ADAMTSL3: variants seen among roughly 807,000 people sequenced by gnomAD.
ADAMTSL3 encodes ADAMTS like 3.
ADAMTSL3 carries 128 observed loss-of-function variants against 201.7 expected under a neutral mutation model. That is an observed-to-expected ratio of 0.63 (90% confidence interval 0.55 to 0.73). The LOEUF (loss-of-function observed/expected upper bound fraction) is 0.73, where lower values mean the gene tolerates loss of function less well. Among genes scored for constraint, ADAMTSL3 ranks in the 30% least tolerant of loss-of-function variants. ADAMTSL3 has a pLI of 0.00. For synonymous variants in ADAMTSL3, 738 were observed against 748.4 expected (o/e 0.99, Z 0.23); for missense variants, 1,990 against 2,119.6 (o/e 0.94, Z 1.20).
At chr15:83,953,579 A>G (rs551541426) in intron 19 of ADAMTSL3, among the ~76,000 whole-genome samples, 1 of 152,284 alleles carries the variant, frequency 6.6e-6, no homozygotes, top group African/African-American at 2.4e-5. Flanking sequence ...CACCACAATC[A>G]CAGTGTTATA....
intron 28 of ADAMTSL3, among the ~76,000 whole-genome samples, chr15:84,034,254 T>G (rs1443582451): frequency 6.6e-6 from 1 of 152,092 alleles, no homozygotes; most frequent in Admixed American, 6.5e-5. Flanking sequence ...TGTAGGTAGG[T>G]GAGGTGTTAG....
chr15:84,002,594 A>G lies in ADAMTSL3; in HGVS notation c.3973+11380A>G, dbSNP rs371542140. ...ATGCACCTTTCTTCCATGCACCATC[A>G]TTAGACCAATGGGTAAACCAATGGT... is the stretch of plus-strand genomic sequence containing the variant. On this transcript the variant is annotated intron_variant, in intron 23 of 29. Transcript: ENST00000286744. 7.2e-4 allele frequency among the ~76,000 whole-genome samples: 110 copies of G among 152,246 alleles called. 8 individuals carry two copies. The South Asian group carries it at 0.022, about 31-fold the overall frequency.
chr15:83,876,594 ATTC>A (rs1315239946), intron 9 of ADAMTSL3, among the ~76,000 whole-genome samples: 4 of 152,008 alleles, frequency 2.6e-5, no homozygotes, highest in Non-Finnish European at 5.9e-5. Context: ...TCATGAAGAA[ATTC>A]TTCTTTTTGT....
At chr15:83,969,714 C>T (rs1373577728) in intron 19 of ADAMTSL3, among the ~76,000 whole-genome samples, 1 of 152,088 alleles carries the variant, frequency 6.6e-6, no homozygotes, top group African/African-American at 2.4e-5. Context: ...AGTGGTTTCC[C>T]CATACTGGGG....
At chr15:84,027,524 C>T (rs1366732568) in intron 27 of ADAMTSL3, among the ~76,000 whole-genome samples, 1 of 152,058 alleles carries the variant, frequency 6.6e-6, no homozygotes, top group Non-Finnish European at 1.5e-5. Context: ...TCCTCGCTAA[C>T]ATGGTGAAAC....
intron 5 of ADAMTSL3, among the ~76,000 whole-genome samples, chr15:83,814,089 A>C (rs563360392): frequency 1.1e-4 from 17 of 152,312 alleles, no homozygotes; most frequent in African/African-American, 4.1e-4. Context: ...CGGGGCTCCC[A>C]GGGCTCCTTC....
intron 20 of ADAMTSL3, among the ~76,000 whole-genome samples, chr15:83,975,136 G>C (rs2067262996): frequency 6.6e-6 from 1 of 151,720 alleles, no homozygotes. Context: ...TGAGTAGCTG[G>C]GACTACAGGC....
intron 5 of ADAMTSL3, among the ~76,000 whole-genome samples, chr15:83,808,810 A>G (rs913786609): frequency 1.4e-4 from 21 of 151,572 alleles, no homozygotes; most frequent in African/African-American, 5.1e-4. Context: ...AAAGAAGGAA[A>G]TGCTGTCATT....
At chr15:83,789,160 T>G (rs1003357958) in intron 4 of ADAMTSL3, among the ~76,000 whole-genome samples, 4 of 152,214 alleles carry the variant, frequency 2.6e-5, no homozygotes, top group Non-Finnish European at 5.9e-5. Flanking sequence ...ATATTAGATC[T>G]TCCAGTTTTC....
chr15:83,685,566 T>C (rs2061525059), intron 2 of ADAMTSL3, among the ~76,000 whole-genome samples: 1 of 152,224 alleles, frequency 6.6e-6, no homozygotes, highest in Admixed American at 6.5e-5. Flanking sequence ...CTCTTATATT[T>C]TCTTCTAAAT....
intron 6 of ADAMTSL3, among the ~76,000 whole-genome samples, chr15:83,826,853 T>C (rs1255817794): frequency 1.3e-5 from 2 of 152,142 alleles, no homozygotes; most frequent in Non-Finnish European, 2.9e-5. Flanking sequence ...TCCTTTTTTA[T>C]GGCTGCATAG....
At chr15:83,854,032 A>T (rs937322607) in intron 7 of ADAMTSL3, among the ~76,000 whole-genome samples, 1 of 152,110 alleles carries the variant, frequency 6.6e-6, no homozygotes, top group Non-Finnish European at 1.5e-5. Flanking sequence ...AAGTATTAAT[A>T]CTTTAGCATG....
Position 83,870,920 on chromosome 15 carries a change from T to A in ADAMTSL3, c.921T>A (p.Phe307Leu). 6.2e-7 allele frequency: 1 copy of A among 1,613,598 alleles called. No homozygotes were observed. The highest frequency in any genetic ancestry group is 8.5e-7 in the Non-Finnish European group (1 of 1,179,838). Residue 307 changes from phenylalanine (F) to leucine (L), a missense_variant, in exon 9 of 30, where the codon TTT becomes TTA. Transcript: ENST00000286744. Reference sequence around the variant, plus strand: ...AGAGGGGCTCCGAGAGGCAAACTTTTAAGATTCCAGGACCTCTGATGGCTG... The same window carrying A: ...AGAGGGGCTCCGAGAGGCAAACTTTAAAGATTCCAGGACCTCTGATGGCTG... The part of the protein sequence containing the change: ...EFQRGSERQT[F>L]KIPGPLMADF...
intron 3 of ADAMTSL3, among the ~76,000 whole-genome samples, chr15:83,745,380 A>AC (rs2062528887): frequency 6.6e-6 from 1 of 152,194 alleles, no homozygotes; most frequent in Non-Finnish European, 1.5e-5. Context: ...GCGGAGAGCA[A>AC]CCACCTCACA....
At chr15:83,898,189 A>G (rs1479096007) in intron 14 of ADAMTSL3, among the ~76,000 whole-genome samples, 184 bp downstream of exon 14, 2 of 152,066 alleles carry the variant, frequency 1.3e-5, no homozygotes, top group African/African-American at 4.8e-5. Flanking sequence ...CTGGAGGGAA[A>G]ACTGAGCTCC....
intron 8 of ADAMTSL3, among the ~76,000 whole-genome samples, chr15:83,869,794 G>A (rs1406956851): frequency 6.6e-6 from 1 of 152,120 alleles, no homozygotes; most frequent in Non-Finnish European, 1.5e-5. Flanking sequence ...TCAAGTGTGG[G>A]TTTTAGAATA....
At chr15:83,772,805 A>G (rs1248704591) in intron 3 of ADAMTSL3, among the ~76,000 whole-genome samples, 2 of 151,438 alleles carry the variant, frequency 1.3e-5, no homozygotes, top group Non-Finnish European at 2.9e-5. Context: ...TCCCTGGTTC[A>G]AGTGATTCTC....
chr15:83,745,146 C>A (rs958284334), intron 3 of ADAMTSL3, among the ~76,000 whole-genome samples: 2 of 152,202 alleles, frequency 1.3e-5, no homozygotes, highest in Non-Finnish European at 1.5e-5. Context: ...GGCTGGGCGG[C>A]TTGACAACGT....
At chr15:83,728,919 T>C (rs927413597) in intron 3 of ADAMTSL3, among the ~76,000 whole-genome samples, 38 of 152,156 alleles carry the variant, frequency 2.5e-4, no homozygotes, top group African/African-American at 9.2e-4. Context: ...CCCTTTAGCG[T>C]TTCTTGCAGA....
Sources: gnomAD v4.1 joint callset for allele counts (sites outside exome capture counted in the v4.1 genomes callset) on GRCh38, gnomAD v4.1.1 for gene constraint, MANE v1.5 for transcripts, NCBI Gene and HGNC (gene_info 2026-07-23, HGNC 2026-07-21) for gene names.